The following DAB1 variants were observed in gnomAD, a reference collection of about 807,000 sequenced individuals.
The protein encoded by DAB1 is disabled homolog 1.
Under a neutral mutation model 64.6 loss-of-function variants are expected in DAB1, and 15 were observed. The ratio of observed to expected loss-of-function variants is 0.23; its 90% CI spans 0.16 to 0.36. The LOEUF (loss-of-function observed/expected upper bound fraction) is 0.36, where lower values mean the gene tolerates loss of function less well. Among genes scored for constraint, DAB1 ranks in the 10% least tolerant of loss-of-function variants. The pLI, the probability that DAB1 is intolerant of heterozygous loss-of-function variation, is 1.00. For synonymous variants in DAB1, 235 were observed against 251.9 expected (o/e 0.93, Z 0.64); for missense variants, 596 against 706.7 (o/e 0.84, Z 1.78).
At chr1:57,023,047 T>G (rs1342944839) in intron 11 of DAB1, among the ~76,000 whole-genome samples, 1 of 148,136 alleles carries the variant, frequency 6.8e-6, no homozygotes, top group Non-Finnish European at 1.5e-5. Context: ...ACAACTCAGT[T>G]AGCAGTTTGC....
intron 1 of DAB1, among the ~76,000 whole-genome samples, chr1:57,857,290 AAAG>A (rs1291088657): frequency 1.3e-5 from 2 of 152,248 alleles, no homozygotes; most frequent in Admixed American, 6.5e-5. Context: ...TAATATGGCA[AAAG>A]AAGATTAACC....
chr1:57,407,883 C>T (rs1244768297), intron 1 of DAB1, among the ~76,000 whole-genome samples: 5 of 152,060 alleles, frequency 3.3e-5, no homozygotes, highest in East Asian at 3.8e-4. Context: ...GATATTCACC[C>T]GCTGGCTTCC....
At position 58,426,145 on chromosome 1, in the gene DAB1, G is replaced by A. The variant is rs140688270; in HGVS notation, n.257+79915C>T. On this transcript the variant is annotated intron_variant and non_coding_transcript_variant, in intron 3 of 20. Transcript: ENST00000485760. ...GGAGAGATTATTATTATTCCATTTT[G>A]CAGTGATAAAACTGAGGCCTAGAAA... Among the ~76,000 whole-genome samples, 138 of 152,204 alleles carry A rather than the reference G, an allele frequency of 9.1e-4. 1 individual carries two copies. The East Asian group carries it at 0.021, about 23-fold the overall frequency.
chr1:57,016,833 G>T (rs1432724625), intron 11 of DAB1, among the ~76,000 whole-genome samples: 4 of 152,070 alleles, frequency 2.6e-5, no homozygotes, highest in African/African-American at 9.7e-5. Flanking sequence ...CCTACAACAC[G>T]CCACGTACAC....
chr1:57,029,740 C>T (rs951594449), intron 9 of DAB1, among the ~76,000 whole-genome samples: 3 of 152,110 alleles, frequency 2.0e-5, no homozygotes, highest in Admixed American at 6.5e-5. Flanking sequence ...CTTGCATGGG[C>T]CCTGTAACCC....
chr1:57,174,268 G>C (rs1214634841), intron 2 of DAB1, among the ~76,000 whole-genome samples: 1 of 151,994 alleles, frequency 6.6e-6, no homozygotes, highest in African/African-American at 2.4e-5. Flanking sequence ...ATCTGCTCTG[G>C]GCATTCCAAT....
chr1:57,487,086 G>C (rs570246750), intron 7 of DAB1, among the ~76,000 whole-genome samples: 76 of 152,310 alleles, frequency 5.0e-4, no homozygotes, highest in Non-Finnish European at 8.5e-4. Flanking sequence ...CCTGGGCAGG[G>C]ACACAGAAGA....
intron 6 of DAB1, among the ~76,000 whole-genome samples, chr1:57,694,796 T>G (rs1450606881): frequency 6.6e-6 from 1 of 152,160 alleles, no homozygotes; most frequent in African/African-American, 2.4e-5. Flanking sequence ...TGGCCACTCT[T>G]GTTTTATCTC....
At chr1:57,576,882 G>A (rs1375481605) in intron 7 of DAB1, among the ~76,000 whole-genome samples, 1 of 152,190 alleles carries the variant, frequency 6.6e-6, no homozygotes, top group African/African-American at 2.4e-5. Flanking sequence ...TCGGCCGCTT[G>A]CCACATGTTT....
intron 1 of DAB1, among the ~76,000 whole-genome samples, chr1:57,370,192 G>A (rs903621081): frequency 3.3e-5 from 5 of 152,142 alleles, no homozygotes; most frequent in Admixed American, 1.3e-4. Context: ...TGAGGGCAGC[G>A]GCCATGTATG....
chr1:58,116,826 C>G (rs546832007), intron 5 of DAB1, among the ~76,000 whole-genome samples: 1 of 152,282 alleles, frequency 6.6e-6, no homozygotes, highest in South Asian at 2.1e-4. Context: ...AGCTTGCTAG[C>G]TGCCAGGGCA....
At chr1:57,117,059 T>G (rs1287970250) in intron 4 of DAB1, among the ~76,000 whole-genome samples, 1 of 152,220 alleles carries the variant, frequency 6.6e-6, no homozygotes, top group African/African-American at 2.4e-5. Flanking sequence ...ACTGGATGAT[T>G]CCTGGCTTTG....
intron 1 of DAB1, among the ~76,000 whole-genome samples, chr1:57,401,727 T>C (rs1683259041): frequency 6.6e-6 from 1 of 152,184 alleles, no homozygotes; most frequent in Non-Finnish European, 1.5e-5. Context: ...GACACACAGA[T>C]TTTCCGACAG....
At chr1:58,131,281 G>T (rs1404589029) in intron 5 of DAB1, among the ~76,000 whole-genome samples, 1,184 of 106,140 alleles carry the variant, frequency 0.011, 4 homozygotes, top group East Asian at 0.031. Flanking sequence ...TCTTCACGTA[G>T]TTCTCGAGCC....
chr1:57,714,070 G>C (rs956984039), intron 6 of DAB1, among the ~76,000 whole-genome samples: 1 of 152,104 alleles, frequency 6.6e-6, no homozygotes, highest in Admixed American at 6.6e-5. Context: ...TCTGGTGGGG[G>C]AAGTAGATGA....
intron 6 of DAB1, among the ~76,000 whole-genome samples, chr1:57,738,579 A>T (rs1570782438): frequency 1.3e-5 from 2 of 152,090 alleles, no homozygotes; most frequent in East Asian, 3.9e-4. Context: ...ATCAGTCCAA[A>T]CAGTGGGGTG....
chr1:57,697,552 GC>G (rs1317613754), intron 6 of DAB1, among the ~76,000 whole-genome samples: 1 of 151,474 alleles, frequency 6.6e-6, no homozygotes, highest in Non-Finnish European at 1.5e-5. Context: ...CATTGTAATT[GC>G]CAGTGTTGAC....
intron 3 of DAB1, among the ~76,000 whole-genome samples, chr1:58,482,774 A>T (rs572294043): frequency 6.6e-6 from 1 of 152,162 alleles, no homozygotes; most frequent in Non-Finnish European, 1.5e-5. Context: ...TGCGAGTACA[A>T]GGGAGATGGG....
At chr1:57,166,498 A>G (rs1010618986) in intron 2 of DAB1, among the ~76,000 whole-genome samples, 2 of 152,188 alleles carry the variant, frequency 1.3e-5, no homozygotes, top group African/African-American at 2.4e-5. Flanking sequence ...GTTCAGAACA[A>G]TAGAAGTCAT....
Sources: allele counts gnomAD v4.1 joint callset (sites outside exome capture counted in the v4.1 genomes callset), GRCh38; gene constraint gnomAD v4.1.1; transcripts MANE v1.5; gene names NCBI Gene and HGNC (gene_info 2026-07-23, HGNC 2026-07-21).